Variants in NEGR1 observed in about 807,000 individuals in gnomAD.
NEGR1 encodes IgLON family member 4.
Under a neutral mutation model 40.9 loss-of-function variants are expected in NEGR1, and 10 were observed. That is an observed-to-expected ratio of 0.24 (90% CI 0.15 to 0.42). NEGR1 has a LOEUF of 0.42. Among genes scored for constraint, NEGR1 ranks in the 10% least tolerant of loss-of-function variants. The probability of loss-of-function intolerance (pLI) is 1.00; values close to 1 mark genes in which losing one functional copy is unlikely to be tolerated. For synonymous variants in NEGR1, 185 were observed against 166.8 expected (o/e 1.11, Z -0.84); for missense variants, 352 against 438.9 (o/e 0.80, Z 1.77).
chr1:72,080,242 A>G (rs1279059675), intron 1 of NEGR1, among the ~76,000 whole-genome samples: 2 of 152,218 alleles, frequency 1.3e-5, no homozygotes, highest in Admixed American at 1.3e-4. Flanking sequence ...ATATCATGTC[A>G]TATTGAAAAT....
chr1:71,938,486 C>G (rs1023712226), intron 1 of NEGR1, among the ~76,000 whole-genome samples: 2 of 147,918 alleles, frequency 1.4e-5, no homozygotes, highest in African/African-American at 5.0e-5. Context: ...TCTGTACCTC[C>G]TTTTCATTCT....
At chr1:71,461,628 A>G (rs980054183) in intron 6 of NEGR1, 1 of 152,212 alleles carries the variant, frequency 6.6e-6, no homozygotes, top group Non-Finnish European at 1.5e-5. Flanking sequence ...TCTGACTTAT[A>G]TAAATGTCAC....
chr1:72,077,595 G>A (rs1209502499), intron 1 of NEGR1, among the ~76,000 whole-genome samples: 3 of 151,784 alleles, frequency 2.0e-5, no homozygotes, highest in Non-Finnish European at 4.4e-5. Context: ...TTTGAGACCA[G>A]GCTGGGCAAC....
At chr1:72,178,956 T>G (rs1024470604) in intron 1 of NEGR1, among the ~76,000 whole-genome samples, 3 of 152,002 alleles carry the variant, frequency 2.0e-5, no homozygotes, top group African/African-American at 7.2e-5. Flanking sequence ...TAGACATTTG[T>G]CAGATGCATA....
At chr1:71,464,438 A>T (rs1646732831) in intron 6 of NEGR1, among the ~76,000 whole-genome samples, 2 of 152,140 alleles carry the variant, frequency 1.3e-5, no homozygotes, top group African/African-American at 4.8e-5. Flanking sequence ...AAAGATAAAG[A>T]GAAGCAACAA....
intron 6 of NEGR1, among the ~76,000 whole-genome samples, chr1:71,494,554 A>G (rs1356037839): frequency 2.0e-5 from 3 of 152,102 alleles, no homozygotes; most frequent in African/African-American, 7.2e-5. Context: ...ATAGTTTTCA[A>G]TGAGTTCTGT....
chr1:72,197,516 A>G (rs1412055041), intron 1 of NEGR1, among the ~76,000 whole-genome samples: 1 of 152,054 alleles, frequency 6.6e-6, no homozygotes, highest in Non-Finnish European at 1.5e-5. Context: ...GAGATCAAAT[A>G]TTTAAAAATG....
intron 1 of NEGR1, among the ~76,000 whole-genome samples, chr1:72,065,973 C>A (rs903253821): frequency 1.2e-4 from 19 of 152,078 alleles, no homozygotes; most frequent in African/African-American, 4.3e-4. Flanking sequence ...ATACATTTAA[C>A]CAACTTGCAA....
rs938769250 is a variant in NEGR1, at chr1:71,401,761, G to A, written c.*5685C>T. ...AGTCTTAGTGGATTATCCCAAACTT[G>A]ACACATTTTTTGCAAAATGCTATAC... On this transcript the variant is annotated 3_prime_UTR_variant, in exon 7 of 7. Transcript: ENST00000357731. 6.6e-6 allele frequency: 1 copy of A among 152,072 alleles called. No individual in the cohort carries two copies. Among genetic ancestry groups the A allele is most frequent in the African/African-American group, 2.4e-5 (1 of 41,418 alleles). The allele number at this position is 152,072 out of a possible 1,614,324, so 9.4% of individuals were successfully genotyped here. A position where few individuals can be genotyped will look rare whatever the true frequency, so the allele number is the denominator to read the frequency against.
At position 71,401,614 on chromosome 1, in the gene NEGR1, ATAAATGGC is replaced by A. The variant is rs1646247126; in HGVS notation, c.*5824_*5831del. 1.3e-5 allele frequency: 2 copies of A among 152,236 alleles called. No individual in the cohort carries two copies. Among genetic ancestry groups the A allele is most frequent in the African/African-American group, 4.8e-5 (2 of 41,470 alleles). The allele number at this position is 152,236 out of a possible 1,614,324, so 9.4% of individuals were successfully genotyped here. On this transcript the variant is annotated 3_prime_UTR_variant, in exon 7 of 7. Coordinates refer to ENST00000357731, the MANE Select transcript of NEGR1 (RefSeq NM_173808.3). Reference sequence around the variant, plus strand: ...CAGATGTTCATGTTAGTATTTCAATATAAATGGCCTCAAACAACATCACTCAGATTAAA... The same window carrying A: ...CAGATGTTCATGTTAGTATTTCAATACTCAAACAACATCACTCAGATTAAA...
intron 1 of NEGR1, among the ~76,000 whole-genome samples, chr1:71,985,703 G>A (rs1322233833): frequency 3.3e-5 from 5 of 152,162 alleles, no homozygotes; most frequent in Non-Finnish European, 5.9e-5. Context: ...GGTAACCATA[G>A]AGTAATGCAC....
intron 1 of NEGR1, among the ~76,000 whole-genome samples, chr1:72,236,528 T>C (rs557416678): frequency 5.9e-5 from 9 of 152,058 alleles, no homozygotes; most frequent in Admixed American, 1.3e-4. Flanking sequence ...TAGTTCATCA[T>C]TGGAAATAAA....
chr1:72,228,740 A>T (rs537558160), intron 1 of NEGR1, among the ~76,000 whole-genome samples: 111 of 152,122 alleles, frequency 7.3e-4, no homozygotes, highest in Non-Finnish European at 1.2e-3. Context: ...TAATGTGCTC[A>T]TGTTTTCATT....
At chr1:71,975,549 T>G (rs1455040306) in intron 1 of NEGR1, among the ~76,000 whole-genome samples, 2 of 152,220 alleles carry the variant, frequency 1.3e-5, no homozygotes, top group Non-Finnish European at 2.9e-5. Flanking sequence ...GGCCTAATAC[T>G]ACTTTCACAG....
At chr1:72,129,519 A>C (rs978284787) in intron 1 of NEGR1, among the ~76,000 whole-genome samples, 4 of 152,194 alleles carry the variant, frequency 2.6e-5, no homozygotes, top group African/African-American at 7.2e-5. Context: ...AGTAGAACAA[A>C]ATATGAAGAA....
intron 1 of NEGR1, among the ~76,000 whole-genome samples, chr1:71,983,399 C>T (rs1646369795): frequency 6.6e-6 from 1 of 151,922 alleles, no homozygotes; most frequent in Non-Finnish European, 1.5e-5. Flanking sequence ...GATTAAATAG[C>T]TTTTTATCTA....
At chr1:71,886,941 G>A (rs1317774867) in intron 2 of NEGR1, among the ~76,000 whole-genome samples, 2 of 152,256 alleles carry the variant, frequency 1.3e-5, no homozygotes, top group East Asian at 1.9e-4. Flanking sequence ...CAATGTGGGA[G>A]TTAGCACTGA....
chr1:71,606,796 T>C (rs963800843), intron 5 of NEGR1, among the ~76,000 whole-genome samples: 2 of 152,048 alleles, frequency 1.3e-5, no homozygotes, highest in Non-Finnish European at 2.9e-5. Context: ...TTTCTTTAAA[T>C]TGTGCTTAAT....
chr1:71,554,992 G>A (rs1648209591), intron 6 of NEGR1, among the ~76,000 whole-genome samples: 1 of 151,536 alleles, frequency 6.6e-6, no homozygotes, highest in African/African-American at 2.4e-5. Flanking sequence ...CATCCCTTCT[G>A]AAAGTGCTCA....
Sources: allele counts gnomAD v4.1 joint callset (sites outside exome capture counted in the v4.1 genomes callset), GRCh38; gene constraint gnomAD v4.1.1; transcripts MANE v1.5; gene names NCBI Gene and HGNC (gene_info 2026-07-23, HGNC 2026-07-21).